Variants in FAM13A observed in about 807,000 individuals in gnomAD.
FAM13A encodes the protein protein FAM13A.
A neutral mutation model predicts 129.6 loss-of-function variants in FAM13A; 76 were observed. The observed-to-expected ratio is 0.59, with a 90% CI of 0.49 to 0.71. FAM13A has a LOEUF of 0.71. Among genes scored for constraint, FAM13A ranks in the 30% least tolerant of loss-of-function variants. The pLI is 0.00. For synonymous variants in FAM13A, 443 were observed against 449.9 expected (o/e 0.98, Z 0.20); for missense variants, 1,108 against 1,249.3 (o/e 0.89, Z 1.70).
At chr4:88,749,638 G>C in intron 16 of FAM13A, 133 bp downstream of exon 16, 1 of 824,218 alleles carries the variant, frequency 1.2e-6, no homozygotes, top group Non-Finnish European at 1.9e-6. Context: ...GTACTATCCA[G>C]GGTTTACTGC....
At chr4:88,871,335 A>G (rs7696299) in intron 6 of FAM13A, among the ~76,000 whole-genome samples, 58 of 152,314 alleles carry the variant, frequency 3.8e-4, no homozygotes, top group African/African-American at 1.3e-3. Flanking sequence ...GGTCAGTAAT[A>G]ACAAACTTCT....
chr4:88,867,457 C>CAAG (rs1438966467), intron 6 of FAM13A, among the ~76,000 whole-genome samples: 1 of 152,320 alleles, frequency 6.6e-6, no homozygotes, highest in Admixed American at 6.5e-5. Context: ...TGACAGCTGT[C>CAAG]AAGAAGGAGG....
At chr4:89,024,897 G>A (rs1336749094) in intron 2 of FAM13A, among the ~76,000 whole-genome samples, 4 of 152,098 alleles carry the variant, frequency 2.6e-5, no homozygotes, top group Admixed American at 6.5e-5. Flanking sequence ...TGTGGGCAAT[G>A]CATGTGTATT....
Position 89,020,587 on chromosome 4 carries a change from C to T in FAM13A, c.300G>A (p.Val100=). ...EQLRLKFESG[V]PVELGKDGDV... is the part of the protein sequence containing the mutation. ...CACCGTCCTTCCCGAGCTCCACGGGCACTCCACTCTCGAACTTCAGTCGAA... is the reference window on the plus strand; with the variant it reads ...CACCGTCCTTCCCGAGCTCCACGGGTACTCCACTCTCGAACTTCAGTCGAA... Residue 100 remains valine, a synonymous_variant, in exon 3 of 24, where the codon GTG becomes GTA. Transcript: ENST00000264344. 6.2e-7 allele frequency: 1 copy of T among 1,614,086 alleles called. No homozygotes were observed. Among genetic ancestry groups the T allele is most frequent in the Non-Finnish European group, 8.5e-7 (1 of 1,179,952 alleles).
In FAM13A at chr4:88,739,621, C is replaced by CAA. The variant is rs5860146; in HGVS notation, c.2467-498_2467-497dup. ...GAAACCCCGTCTCTACTAAAAAATA[C>CAA]AAAAAAAAAAAAAAAAATTAGCTGA... On this transcript the variant is annotated intron_variant, in intron 19 of 23. Transcript: ENST00000264344. Among the ~76,000 whole-genome samples, 115 of 112,648 alleles carry CAA rather than the reference C, an allele frequency of 1.0e-3. 1 individual carries two copies. Among genetic ancestry groups the CAA allele is most frequent in the African/African-American group, 1.6e-3 (51 of 31,302 alleles). The allele number at this position is 112,648 out of a possible 152,430, so 73.9% of individuals were successfully genotyped here. A position where few individuals can be genotyped will look rare whatever the true frequency, so the allele number is the denominator to read the frequency against.
chr4:88,879,151 C>A (rs898679125), intron 6 of FAM13A, among the ~76,000 whole-genome samples: 5 of 152,096 alleles, frequency 3.3e-5, no homozygotes, highest in Admixed American at 2.0e-4. Context: ...ATTAATACAG[C>A]CACTATAAAA....
At chr4:88,923,328 G>A (rs1751459655) in intron 5 of FAM13A, among the ~76,000 whole-genome samples, 1 of 152,156 alleles carries the variant, frequency 6.6e-6, no homozygotes, top group Admixed American at 6.5e-5. Flanking sequence ...ACCGAATTCA[G>A]CAGCACATCA....
At chr4:88,784,613 C>T (rs1398718821) in intron 10 of FAM13A, among the ~76,000 whole-genome samples, 1 of 152,110 alleles carries the variant, frequency 6.6e-6, no homozygotes, top group Non-Finnish European at 1.5e-5. Flanking sequence ...ATATAGCCTG[C>T]TTTTCTTTTA....
chr4:88,845,597 A>T (rs545965429), intron 7 of FAM13A, among the ~76,000 whole-genome samples: 117 of 152,172 alleles, frequency 7.7e-4, no homozygotes, highest in African/African-American at 2.0e-3. Flanking sequence ...ATAATGAATT[A>T]AAAAAAATTG....
At chr4:88,812,750 T>C (rs1578776789) in intron 7 of FAM13A, among the ~76,000 whole-genome samples, 2 of 152,206 alleles carry the variant, frequency 1.3e-5, no homozygotes, top group South Asian at 2.1e-4. Context: ...TTTGTTGTTA[T>C]CTTTGTAACA....
chr4:88,733,304 TC>T lies in FAM13A; in HGVS notation c.2647-1107del, dbSNP rs145355821. On this transcript the variant is annotated intron_variant, in intron 21 of 23. Coordinates refer to ENST00000264344, the MANE Select transcript of FAM13A (RefSeq NM_014883.4). ...AACAAAGCAAAACAAAAAAGGACTATCATATAACTGATATCAAAGTATTGCT... is the reference window on the plus strand; with the variant it reads ...AACAAAGCAAAACAAAAAAGGACTATATATAACTGATATCAAAGTATTGCT... Among the ~76,000 whole-genome samples the T allele has an allele frequency of 7.0e-3, 1,063 of 152,274 alleles. 16 individuals are homozygous for T. The highest frequency in any genetic ancestry group is 0.024 in the African/African-American group (988 of 41,548).
At chr4:89,025,245 G>GTTTTTTTGTTTTTTTTTT (rs1767783027) in intron 2 of FAM13A, among the ~76,000 whole-genome samples, 1 of 61,362 alleles carries the variant, frequency 1.6e-5, no homozygotes. Flanking sequence ...TGGAATCATT[G>GTTTTTTTGTTTTTTTTTT]TTTTTTTTTT....
chr4:88,753,808 A>G (rs1343224317), intron 14 of FAM13A: 2 of 155,768 alleles, frequency 1.3e-5, no homozygotes, highest in Non-Finnish European at 2.8e-5. Flanking sequence ...TTGGCACTCA[A>G]CTAGAACAAT....
chr4:88,902,791 T>A (rs574203072), intron 6 of FAM13A, among the ~76,000 whole-genome samples: 50 of 152,264 alleles, frequency 3.3e-4, no homozygotes, highest in African/African-American at 9.9e-4. Flanking sequence ...ATAAACCGTA[T>A]TCAAATAGCA....
chr4:88,937,591 T>G, intron 5 of FAM13A: 1 of 154,952 alleles, frequency 6.5e-6, no homozygotes, highest in East Asian at 1.9e-4. Flanking sequence ...TTTATAGGTT[T>G]TTAAAATATT....
At chr4:89,049,431 GA>G (rs1229459726) in intron 1 of FAM13A, among the ~76,000 whole-genome samples, 1 of 151,708 alleles carries the variant, frequency 6.6e-6, no homozygotes, top group Non-Finnish European at 1.5e-5. Context: ...TAAACCACAG[GA>G]AAAAAAACCT....
chr4:88,872,610 A>G (rs1741616970), intron 6 of FAM13A, among the ~76,000 whole-genome samples: 1 of 152,238 alleles, frequency 6.6e-6, no homozygotes, highest in Non-Finnish European at 1.5e-5. Context: ...AAATGCTCCC[A>G]ATACAGGAGC....
intron 5 of FAM13A, among the ~76,000 whole-genome samples, chr4:88,924,945 C>A (rs904290138): frequency 2.0e-5 from 3 of 151,460 alleles, no homozygotes; most frequent in African/African-American, 4.9e-5. Context: ...CCAAAAGACA[C>A]ATGAAAAAAT....
At chr4:88,869,501 C>G (rs1293972675) in intron 6 of FAM13A, among the ~76,000 whole-genome samples, 1 of 152,194 alleles carries the variant, frequency 6.6e-6, no homozygotes, top group Non-Finnish European at 1.5e-5. Context: ...CCATTCCTCA[C>G]TACTCTCATG....
Sources: gnomAD v4.1 joint callset for allele counts (sites outside exome capture counted in the v4.1 genomes callset) on GRCh38, gnomAD v4.1.1 for gene constraint, MANE v1.5 for transcripts, NCBI Gene and HGNC (gene_info 2026-07-23, HGNC 2026-07-21) for gene names.